Variants in TNKS observed in about 807,000 individuals in gnomAD.
TNKS encodes poly [ADP-ribose] polymerase tankyrase-1.
TNKS carries 72 observed loss-of-function variants against 135.8 expected under a neutral mutation model. The observed-to-expected ratio is 0.53, with a 90% CI of 0.44 to 0.64. The LOEUF is 0.64. TNKS is among the 30% of genes least tolerant of loss of function. The probability of loss-of-function intolerance (pLI) is 0.00; values close to 1 mark genes in which losing one functional copy is unlikely to be tolerated. For synonymous variants in TNKS, 849 were observed against 649.3 expected, an observed-to-expected ratio of 1.31 and a Z score of -4.68; for missense variants, 1,769 against 1,674.0, an observed-to-expected ratio of 1.06 and a Z score of -0.99.
Position 9,643,042 on chromosome 8 carries a change from T to C in TNKS, c.994+27365T>C, listed in dbSNP as rs1449927592. Among the ~76,000 whole-genome samples, 5 of 146,228 alleles carry C rather than the reference T, an allele frequency of 3.4e-5. 1 individual carries two copies. The highest frequency in any genetic ancestry group is 1.3e-4 in the African/African-American group (5 of 39,492). ...CTACTTTATTGAATATAATTGAATA[T>C]GAGAAATTACTGAGATGGGGTTGCC... is the stretch of plus-strand genomic sequence containing the variant. On this transcript the variant is annotated intron_variant, in intron 3 of 26. Coordinates refer to ENST00000310430, the MANE Select transcript of TNKS (RefSeq NM_003747.3).
chr8:9,597,389 T>C (rs2128757208), intron 2 of TNKS, among the ~76,000 whole-genome samples: 1 of 152,330 alleles, frequency 6.6e-6, no homozygotes, highest in East Asian at 1.9e-4. Flanking sequence ...CAAAGCTCAG[T>C]GAAGGGCTGA....
At chr8:9,766,120 C>A in intron 24 of TNKS, 119 bp from the exon 25 acceptor site, 1 of 859,596 alleles carries the variant, frequency 1.2e-6, no homozygotes. Flanking sequence ...TTAGAAAATA[C>A]TTTTCATTTA....
chr8:9,620,020 G>T (rs1032166552), intron 3 of TNKS, among the ~76,000 whole-genome samples: 1 of 151,644 alleles, frequency 6.6e-6, no homozygotes, highest in African/African-American at 2.4e-5. Flanking sequence ...CGCTATCTTG[G>T]CTCACTGCAA....
intron 6 of TNKS, among the ~76,000 whole-genome samples, chr8:9,705,255 A>G (rs911258256): frequency 1.2e-4 from 18 of 152,146 alleles, no homozygotes; most frequent in Non-Finnish European, 2.1e-4. Context: ...CAGTTATGTC[A>G]TTTATTTTAC....
At chr8:9,743,644 T>C (rs1321526939) in intron 17 of TNKS, 1 of 152,502 alleles carries the variant, frequency 6.6e-6, no homozygotes, top group East Asian at 1.9e-4. Flanking sequence ...TCCCAGCACT[T>C]TGGGAGGCTG....
chr8:9,759,231 C>T (rs1358100013), intron 20 of TNKS, among the ~76,000 whole-genome samples: 3 of 152,202 alleles, frequency 2.0e-5, no homozygotes, highest in Admixed American at 6.5e-5. Flanking sequence ...TCTGCCATAG[C>T]GTGGCAGCCA....
chr8:9,565,572 C>G (rs531890316), intron 1 of TNKS, among the ~76,000 whole-genome samples: 49 of 152,220 alleles, frequency 3.2e-4, no homozygotes, highest in Non-Finnish European at 5.7e-4. Flanking sequence ...CAAAAATAAA[C>G]TAAACCAGCC....
intron 5 of TNKS, among the ~76,000 whole-genome samples, chr8:9,700,402 G>C (rs969852645): frequency 6.6e-6 from 1 of 152,174 alleles, no homozygotes; most frequent in Non-Finnish European, 1.5e-5. Context: ...CGTGGTGTCA[G>C]ATACGTGGTA....
intron 5 of TNKS, among the ~76,000 whole-genome samples, chr8:9,685,909 G>C (rs1403456880): frequency 6.6e-6 from 1 of 152,156 alleles, no homozygotes; most frequent in African/African-American, 2.4e-5. Context: ...TAGGGTTGTA[G>C]AGTTTCTCAT....
rs974119792 is a variant in TNKS at position 9,776,783 on chromosome 8, G to C, written c.*47G>C. ...CAGATCAGATTTCAACCTGGGACTG[G>C]ATTACAGAGGATTGTTTCTAATAAC... On this transcript the variant is annotated 3_prime_UTR_variant, in exon 27 of 27. Coordinates refer to ENST00000310430, the MANE Select transcript of TNKS (RefSeq NM_003747.3). 4 of 1,535,108 alleles carry C rather than the reference G, an allele frequency of 2.6e-6. No individual in the cohort carries two copies. Among genetic ancestry groups the C allele is most frequent in the Middle Eastern group, 1.7e-4 (1 of 5,884 alleles).
intron 20 of TNKS, among the ~76,000 whole-genome samples, chr8:9,759,486 C>A (rs1429934343): frequency 6.6e-6 from 1 of 152,158 alleles, no homozygotes; most frequent in African/African-American, 2.4e-5. Flanking sequence ...AACTAAGTGA[C>A]TTGCTATCAG....
intron 3 of TNKS, among the ~76,000 whole-genome samples, chr8:9,642,641 C>A (rs1800768481): frequency 6.8e-6 from 1 of 146,004 alleles, no homozygotes; most frequent in Non-Finnish European, 1.5e-5. Context: ...TAATATACTG[C>A]AGTTTAGAAT....
At chr8:9,675,701 T>TGTTA (rs903143330) in intron 3 of TNKS, among the ~76,000 whole-genome samples, 3 of 152,234 alleles carry the variant, frequency 2.0e-5, no homozygotes, top group Non-Finnish European at 4.4e-5. Flanking sequence ...TATTACTATT[T>TGTTA]GTTACTCTCT....
intron 1 of TNKS, among the ~76,000 whole-genome samples, chr8:9,577,842 G>T (rs562082197): frequency 6.6e-6 from 1 of 152,202 alleles, no homozygotes; most frequent in South Asian, 2.1e-4. Context: ...TAACTCAAAA[G>T]TCCAGAGTTC....
At chr8:9,585,650 A>G (rs539713367) in intron 2 of TNKS, among the ~76,000 whole-genome samples, 1 of 152,346 alleles carries the variant, frequency 6.6e-6, no homozygotes, top group Admixed American at 6.5e-5. Context: ...CTTGATAAAG[A>G]ACAGTTCTGC....
In TNKS at chr8:9,672,712, A is replaced by ACACACAC. The variant is rs1554466579; in HGVS notation, c.995-7239_995-7238insCACACAC. Among the ~76,000 whole-genome samples the ACACACAC allele has an allele frequency of 2.7e-3, 222 of 82,840 alleles. 1 individual carries two copies. The highest frequency in any genetic ancestry group is 0.011 in the South Asian group (22 of 1,946). 54.3% of individuals were successfully genotyped at this position (82,840 alleles called of 152,430 possible). On this transcript the variant is annotated intron_variant, in intron 3 of 26. Transcript: ENST00000310430. ...CACACACACACACACACACACACAC[A>ACACACAC]AAAAAAAAAAAACAAACTAATATCC...
intron 2 of TNKS, among the ~76,000 whole-genome samples, chr8:9,590,311 G>A (rs770643703): frequency 3.9e-5 from 6 of 151,912 alleles, no homozygotes; most frequent in Non-Finnish European, 7.4e-5. Flanking sequence ...TTCTGCCTGC[G>A]GTACTCTTTC....
chr8:9,744,842 G>T (rs1369794585), intron 17 of TNKS, among the ~76,000 whole-genome samples: 1 of 152,166 alleles, frequency 6.6e-6, no homozygotes, highest in Non-Finnish European at 1.5e-5. Context: ...ACATTTGTCA[G>T]AAAATTTCAC....
At chr8:9,700,492 A>G (rs1056347894) in intron 5 of TNKS, among the ~76,000 whole-genome samples, 9 of 152,182 alleles carry the variant, frequency 5.9e-5, no homozygotes, top group Admixed American at 3.3e-4. Context: ...TTCTAGTGCC[A>G]TACGTGTAAG....
Sources: gnomAD v4.1 joint callset for allele counts (sites outside exome capture counted in the v4.1 genomes callset) on GRCh38, gnomAD v4.1.1 for gene constraint, MANE v1.5 for transcripts, NCBI Gene and HGNC (gene_info 2026-07-23, HGNC 2026-07-21) for gene names.